ZFHX3: variants seen among roughly 807,000 people sequenced by gnomAD.
ZFHX3 encodes zinc finger homeobox protein 3.
A neutral mutation model predicts 279.1 loss-of-function variants in ZFHX3; 42 were observed. That is an observed-to-expected ratio of 0.15 (90% CI 0.12 to 0.19). ZFHX3 has a LOEUF of 0.19. ZFHX3 is among the 10% of genes least tolerant of loss of function. The pLI is 1.00. For synonymous variants in ZFHX3, 2,293 were observed against 1,957.8 expected (o/e 1.17, Z -4.52); for missense variants, 4,981 against 4,754.0 (o/e 1.05, Z -1.40).
intron 1 of ZFHX3, among the ~76,000 whole-genome samples, chr16:73,765,978 G>A (rs1043189492): frequency 1.3e-5 from 2 of 152,172 alleles, no homozygotes; most frequent in African/African-American, 4.8e-5. Flanking sequence ...TTTCAATACA[G>A]TTTCAGGTTT....
chr16:73,717,929 G>C (rs1261779277), intron 1 of ZFHX3, among the ~76,000 whole-genome samples: 2 of 152,230 alleles, frequency 1.3e-5, no homozygotes, highest in Non-Finnish European at 2.9e-5. Context: ...CCATCACTAT[G>C]CAGAATGAAA....
chr16:73,306,189 G>C (rs1457528693), intron 4 of ZFHX3, among the ~76,000 whole-genome samples: 2 of 152,160 alleles, frequency 1.3e-5, no homozygotes, highest in Non-Finnish European at 2.9e-5. Flanking sequence ...CCAAACCCAA[G>C]AGAACCCAGT....
chr16:73,197,924 GTTTTTTTTTTTTTTTT>G lies in ZFHX3; in HGVS notation c.-1103-54109_-1103-54094del, dbSNP rs71156148. Reference sequence around the variant, plus strand: ...GATAAGTAGAGTATCTGATTTGGTGGTTTTTTTTTTTTTTTTTTTTTTTTTTTTTTTGAGATGGAGT... The same window carrying G: ...GATAAGTAGAGTATCTGATTTGGTGGTTTTTTTTTTTTTTTGAGATGGAGT... On this transcript the variant is annotated intron_variant, in intron 5 of 17. Coordinates refer to the ZFHX3 transcript ENST00000641206. 2.5e-3 allele frequency among the ~76,000 whole-genome samples: 137 copies of G among 53,806 alleles called. 1 individual carries two copies. The highest frequency in any genetic ancestry group is 0.016 in the Middle Eastern group (1 of 64). 35.3% of individuals were successfully genotyped at this position (53,806 alleles called of 152,430 possible).
intron 3 of ZFHX3, among the ~76,000 whole-genome samples, chr16:72,936,727 T>A (rs926216077): frequency 5.3e-5 from 8 of 152,184 alleles, no homozygotes; most frequent in African/African-American, 1.9e-4. Flanking sequence ...AAGGAGCTTG[T>A]AAGCCACAGT....
chr16:73,132,648 G>C (rs772576688), intron 6 of ZFHX3, among the ~76,000 whole-genome samples: 1 of 152,082 alleles, frequency 6.6e-6, no homozygotes, highest in Non-Finnish European at 1.5e-5. Context: ...CATCCCGGCC[G>C]TTTCTTACAG....
intron 3 of ZFHX3, among the ~76,000 whole-genome samples, chr16:73,365,357 C>A (rs1222483015): frequency 6.6e-6 from 1 of 152,206 alleles, no homozygotes; most frequent in Non-Finnish European, 1.5e-5. Flanking sequence ...TTTATTCATT[C>A]AACAAATATT....
rs142691524 is a variant in ZFHX3, at chr16:73,439,764, C to T, written c.-1291+16239G>A. 1.1e-3 allele frequency among the ~76,000 whole-genome samples: 165 copies of T among 151,766 alleles called. 1 individual carries two copies. Among genetic ancestry groups the T allele is most frequent in the African/African-American group, 3.7e-3 (152 of 41,370 alleles). ...AGCAGCCTGCTGATTCTTCTCTTTACGGGTGCTCCTTGGAGTTTGAGGGGC... is the reference window on the plus strand; with the variant it reads ...AGCAGCCTGCTGATTCTTCTCTTTATGGGTGCTCCTTGGAGTTTGAGGGGC... On this transcript the variant is annotated intron_variant, in intron 3 of 17. Transcript: ENST00000641206.
intron 2 of ZFHX3, among the ~76,000 whole-genome samples, chr16:73,667,236 C>T (rs555751329): frequency 2.0e-4 from 31 of 152,164 alleles, no homozygotes; most frequent in South Asian, 1.9e-3. Context: ...GTGATCCACC[C>T]GCCTCAGCCT....
At chr16:73,473,456 A>C (rs1723849493) in intron 2 of ZFHX3, among the ~76,000 whole-genome samples, 1 of 152,128 alleles carries the variant, frequency 6.6e-6, no homozygotes, top group African/African-American at 2.4e-5. Context: ...GGTAGGAGAC[A>C]TATGAGAAAA....
At chr16:73,388,397 A>G (rs2016943573) in intron 3 of ZFHX3, among the ~76,000 whole-genome samples, 2 of 152,176 alleles carry the variant, frequency 1.3e-5, no homozygotes, top group Admixed American at 1.3e-4. Flanking sequence ...AAGTACGTTG[A>G]CCCCAAGAAA....
chr16:73,360,513 A>T (rs1308697317), intron 3 of ZFHX3, among the ~76,000 whole-genome samples: 1 of 152,012 alleles, frequency 6.6e-6, no homozygotes, highest in African/African-American at 2.4e-5. Context: ...TAATTTTTGT[A>T]TTTTTAGTAG....
chr16:73,359,826 C>T (rs944920687), intron 3 of ZFHX3, among the ~76,000 whole-genome samples: 20 of 152,044 alleles, frequency 1.3e-4, no homozygotes, highest in Non-Finnish European at 2.4e-4. Flanking sequence ...TGGGAGAAGC[C>T]GCTAATTTGA....
At chr16:73,154,776 G>A (rs1597188226) in intron 5 of ZFHX3, among the ~76,000 whole-genome samples, 2 of 152,212 alleles carry the variant, frequency 1.3e-5, no homozygotes. Flanking sequence ...AAAGATGGGT[G>A]AAGAAAGGAG....
intron 7 of ZFHX3, among the ~76,000 whole-genome samples, chr16:73,125,885 C>G (rs1966561276): frequency 6.6e-6 from 1 of 151,984 alleles, no homozygotes; most frequent in African/African-American, 2.4e-5. Context: ...TAATACCGTA[C>G]CATTATTATC....
intron 5 of ZFHX3, among the ~76,000 whole-genome samples, chr16:73,248,719 A>G (rs1188439459): frequency 1.3e-5 from 2 of 151,994 alleles, no homozygotes; most frequent in Non-Finnish European, 2.9e-5. Flanking sequence ...TGTCTCCCCT[A>G]TGTGCTGAGT....
At chr16:73,820,502 G>C (rs72803163) in intron 1 of ZFHX3, among the ~76,000 whole-genome samples, 2,735 of 152,146 alleles carry the variant, frequency 0.018, 44 homozygotes, top group Middle Eastern at 0.034. Context: ...AGGCCATGTG[G>C]ATGATAGGTT....
intron 7 of ZFHX3, among the ~76,000 whole-genome samples, chr16:73,117,676 T>C (rs1047801192): frequency 8.5e-5 from 13 of 152,232 alleles, no homozygotes; most frequent in Admixed American, 6.5e-4. Flanking sequence ...ATAGACCCAA[T>C]GTGTCCCCAC....
intron 1 of ZFHX3, among the ~76,000 whole-genome samples, chr16:73,013,196 G>A (rs1337870700): frequency 6.6e-6 from 1 of 152,208 alleles, no homozygotes; most frequent in Non-Finnish European, 1.5e-5. Context: ...GACCTCTAAA[G>A]TGTGGTATCA....
intron 2 of ZFHX3, among the ~76,000 whole-genome samples, chr16:73,551,080 G>A (rs909833914): frequency 6.6e-6 from 1 of 152,152 alleles, no homozygotes; most frequent in African/African-American, 2.4e-5. Flanking sequence ...TCTGTTACAC[G>A]AGAGATTGCT....
Sources: allele counts gnomAD v4.1 joint callset (sites outside exome capture counted in the v4.1 genomes callset), GRCh38; gene constraint gnomAD v4.1.1; transcripts MANE v1.5; gene names NCBI Gene and HGNC (gene_info 2026-07-23, HGNC 2026-07-21).